The following GPC5 variants were observed in gnomAD, a reference collection of about 807,000 sequenced individuals.
GPC5 encodes glypican 5.
GPC5 carries 47 observed loss-of-function variants against 53.9 expected under a neutral mutation model. The observed-to-expected ratio is 0.87, with a 90% CI of 0.69 to 1.11. The LOEUF (loss-of-function observed/expected upper bound fraction) is 1.11. Among genes scored for constraint, GPC5 ranks in the 50% most tolerant of loss-of-function variants. The pLI, the probability that GPC5 is intolerant of heterozygous loss-of-function variation, is 0.00. For missense variants in GPC5, 748 were observed against 713.1 expected (o/e 1.05, Z -0.56); for synonymous variants, 286 against 263.3 (o/e 1.09, Z -0.84).
chr13:91,945,718 G>A (rs1424618310), intron 6 of GPC5, among the ~76,000 whole-genome samples: 1 of 152,020 alleles, frequency 6.6e-6, no homozygotes, highest in Non-Finnish European at 1.5e-5. Flanking sequence ...TGCCTCATTT[G>A]GGGGACATTA....
chr13:92,774,147 T>C (rs1039786437), intron 7 of GPC5, among the ~76,000 whole-genome samples: 1 of 152,184 alleles, frequency 6.6e-6, no homozygotes, highest in Non-Finnish European at 1.5e-5. Context: ...AGCTTTTAAA[T>C]GCTCAAGAAG....
intron 6 of GPC5, among the ~76,000 whole-genome samples, chr13:91,985,812 A>G (rs994498715): frequency 3.4e-4 from 51 of 152,144 alleles, no homozygotes; most frequent in Admixed American, 3.3e-3. Context: ...ACAGCTTGCA[A>G]TGACTAAAAC....
At chr13:91,526,686 C>T (rs528592119) in intron 2 of GPC5, among the ~76,000 whole-genome samples, 3 of 152,148 alleles carry the variant, frequency 2.0e-5, no homozygotes, top group East Asian at 1.9e-4. Flanking sequence ...CTTTGCTTGA[C>T]GCTTGTATTA....
intron 5 of GPC5, among the ~76,000 whole-genome samples, chr13:91,868,578 G>T (rs1018707175): frequency 1.3e-5 from 2 of 151,988 alleles, no homozygotes; most frequent in Non-Finnish European, 2.9e-5. Context: ...GGTGGCACAT[G>T]ACTGTAATCC....
At chr13:91,867,799 A>G (rs1186871013) in intron 5 of GPC5, among the ~76,000 whole-genome samples, 1 of 152,254 alleles carries the variant, frequency 6.6e-6, no homozygotes, top group African/African-American at 2.4e-5. Context: ...CTGATCAAAT[A>G]TTAACTTTTA....
intron 2 of GPC5, among the ~76,000 whole-genome samples, chr13:91,540,853 A>G (rs1024440916): frequency 1.3e-5 from 2 of 152,066 alleles, no homozygotes; most frequent in Admixed American, 1.3e-4. Context: ...CTTACTTTAC[A>G]TCCTCCAGAG....
chr13:92,544,712 C>A (rs1882044271), intron 7 of GPC5, among the ~76,000 whole-genome samples: 1 of 151,658 alleles, frequency 6.6e-6, no homozygotes, highest in Non-Finnish European at 1.5e-5. Context: ...TTTATTTCTT[C>A]TTTTTTTGGT....
In GPC5 at chr13:92,421,615, C is replaced by T. The variant is rs1434472878; in HGVS notation, c.1561+276626C>T. 5.5e-5 allele frequency among the ~76,000 whole-genome samples: 8 copies of T among 144,374 alleles called. No individual in the cohort carries two copies. In the East Asian group the frequency reaches 1.1e-3, roughly 19 times the overall value. The allele number at this position is 144,374 out of a possible 152,430, so 94.7% of individuals were successfully genotyped here. On this transcript the variant is annotated intron_variant, in intron 7 of 7. Transcript: ENST00000377067. ...TCGGGAGGCTGAGGTAGGAGAATGG[C>T]GTGAACCCTGGAGGAGGAGCTTGCA... is the stretch of plus-strand genomic sequence containing the variant.
At chr13:92,657,225 A>G (rs982879513) in intron 7 of GPC5, among the ~76,000 whole-genome samples, 4 of 152,172 alleles carry the variant, frequency 2.6e-5, no homozygotes, top group Non-Finnish European at 5.9e-5. Flanking sequence ...AAGATATATT[A>G]AAGTTAAGTA....
At chr13:92,474,937 G>A (rs1380928595) in intron 7 of GPC5, among the ~76,000 whole-genome samples, 1 of 152,094 alleles carries the variant, frequency 6.6e-6, no homozygotes, top group African/African-American at 2.4e-5. Flanking sequence ...GTTATATTCT[G>A]TCCTTAGATC....
At chr13:92,140,527 G>C (rs1013609172) in intron 6 of GPC5, among the ~76,000 whole-genome samples, 1 of 152,156 alleles carries the variant, frequency 6.6e-6, no homozygotes, top group African/African-American at 2.4e-5. Flanking sequence ...AAATTAAGAA[G>C]CGGCCATGGT....
intron 7 of GPC5, among the ~76,000 whole-genome samples, chr13:92,811,860 C>T (rs1877311748): frequency 6.6e-6 from 1 of 151,850 alleles, no homozygotes; most frequent in Non-Finnish European, 1.5e-5. Context: ...GTTGAAGATA[C>T]TTCTTTTTCC....
intron 3 of GPC5, among the ~76,000 whole-genome samples, chr13:91,696,684 TA>T (rs2139832052): frequency 6.6e-6 from 1 of 152,268 alleles, no homozygotes; most frequent in East Asian, 1.9e-4. Context: ...GATATATATA[TA>T]AAATACTTCT....
intron 7 of GPC5, among the ~76,000 whole-genome samples, chr13:92,461,663 T>G (rs998888226): frequency 6.6e-6 from 1 of 152,154 alleles, no homozygotes; most frequent in African/African-American, 2.4e-5. Context: ...ATTAATGCCT[T>G]TGTAAGAAGA....
intron 7 of GPC5, among the ~76,000 whole-genome samples, chr13:92,847,065 C>T (rs1324102764): frequency 1.3e-5 from 2 of 152,116 alleles, no homozygotes; most frequent in Admixed American, 6.6e-5. Context: ...TATCCTCCAA[C>T]CCCTACCTAC....
chr13:92,574,753 T>C (rs1196807933), intron 7 of GPC5, among the ~76,000 whole-genome samples: 2 of 152,182 alleles, frequency 1.3e-5, no homozygotes, highest in African/African-American at 4.8e-5. Context: ...GGAGAGCAGC[T>C]GAGATTGCCC....
intron 7 of GPC5, among the ~76,000 whole-genome samples, chr13:92,618,800 G>T (rs1186077237): frequency 1.3e-5 from 2 of 151,522 alleles, no homozygotes; most frequent in Non-Finnish European, 3.0e-5. Context: ...AATAAAGATG[G>T]ATCATATTAG....
chr13:92,571,989 C>T (rs993252361), intron 7 of GPC5, among the ~76,000 whole-genome samples: 1 of 151,936 alleles, frequency 6.6e-6, no homozygotes, highest in Non-Finnish European at 1.5e-5. Context: ...GAGAAATGAT[C>T]GCAACACTGC....
chr13:92,055,601 A>G (rs546672939), intron 6 of GPC5, among the ~76,000 whole-genome samples: 42 of 152,342 alleles, frequency 2.8e-4, no homozygotes, highest in African/African-American at 9.1e-4. Flanking sequence ...TAAAGCAACA[A>G]CATTTACTGC....
Sources: gnomAD v4.1 joint callset for allele counts (sites outside exome capture counted in the v4.1 genomes callset) on GRCh38, gnomAD v4.1.1 for gene constraint, MANE v1.5 for transcripts, NCBI Gene and HGNC (gene_info 2026-07-23, HGNC 2026-07-21) for gene names.